The following ZFHX3 variants were observed in gnomAD, a reference collection of about 807,000 sequenced individuals.
ZFHX3 encodes the protein zinc finger homeobox protein 3.
Under a neutral mutation model 279.1 loss-of-function variants are expected in ZFHX3, and 42 were observed. That is an observed-to-expected ratio of 0.15 (90% CI 0.12 to 0.19). ZFHX3 has a LOEUF of 0.19. Ranked by LOEUF, ZFHX3 falls within the 10% of genes least tolerant of loss-of-function variation. ZFHX3 has a pLI of 1.00. For synonymous variants in ZFHX3, 2,293 were observed against 1,957.8 expected, an observed-to-expected ratio of 1.17 and a Z score of -4.52; for missense variants, 4,981 against 4,754.0, an observed-to-expected ratio of 1.05 and a Z score of -1.40.
intron 3 of ZFHX3, among the ~76,000 whole-genome samples, chr16:73,453,482 A>G (rs2018314477): frequency 6.6e-6 from 1 of 152,172 alleles, no homozygotes; most frequent in Non-Finnish European, 1.5e-5. Context: ...CCGGAAGGAC[A>G]CTCAAGCTGG....
At chr16:73,341,072 G>T (rs1257025705) in intron 3 of ZFHX3, among the ~76,000 whole-genome samples, 1 of 152,190 alleles carries the variant, frequency 6.6e-6, no homozygotes. Flanking sequence ...GCCGGATGCG[G>T]TGGCTCACAC....
chr16:73,358,160 G>A (rs2046700740), intron 3 of ZFHX3, among the ~76,000 whole-genome samples: 2 of 152,204 alleles, frequency 1.3e-5, no homozygotes, highest in Non-Finnish European at 2.9e-5. Flanking sequence ...ACGGATTTGT[G>A]CTAGGCAGCT....
intron 3 of ZFHX3, among the ~76,000 whole-genome samples, chr16:72,938,641 C>A (rs1041634587): frequency 6.6e-6 from 1 of 152,176 alleles, no homozygotes; most frequent in Non-Finnish European, 1.5e-5. Flanking sequence ...CAAATCGGCA[C>A]GCCCCCAAGG....
chr16:73,453,445 A>T (rs1271565636), intron 3 of ZFHX3, among the ~76,000 whole-genome samples: 1 of 152,176 alleles, frequency 6.6e-6, no homozygotes, highest in Non-Finnish European at 1.5e-5. Context: ...GCCTTGTGAG[A>T]AGTCTCACTA....
intron 2 of ZFHX3, among the ~76,000 whole-genome samples, chr16:73,657,270 A>AACACG (rs1377956401): frequency 1.3e-5 from 2 of 151,222 alleles, no homozygotes; most frequent in African/African-American, 2.4e-5. Flanking sequence ...CAGCCTGCCC[A>AACACG]ACACGGCAAA....
chr16:73,190,814 A>T (rs1169783615), intron 5 of ZFHX3, among the ~76,000 whole-genome samples: 3 of 152,084 alleles, frequency 2.0e-5, no homozygotes, highest in South Asian at 2.1e-4. Context: ...CAGGTAGAGG[A>T]GGATTATGTG....
rs2035781247 is a variant in ZFHX3, at chr16:72,793,382, C to T, written c.9300G>A (p.Met3100Ile). Residue 3100 changes from methionine (M) to isoleucine (I), a missense_variant, in exon 9 of 10, where the codon ATG becomes ATA. Transcript: ENST00000268489. This position sits in a 1 kb window ranked among gnomAD's most constrained non-coding sequence, Gnocchi z 4.3. Reference sequence around the variant, plus strand: ...GGGCCTGAAGAGGGGTGTTGTCAAACATCCCTTGCTGCTGAGCTGCCAGTC... The same window carrying T: ...GGGCCTGAAGAGGGGTGTTGTCAAATATCCCTTGCTGCTGAGCTGCCAGTC... ...VLGLAAQQQG[M>I]FDNTPLQALN... The T allele has an allele frequency of 1.2e-6, 2 of 1,614,204 alleles. No individual in the cohort carries two copies. The highest frequency in any genetic ancestry group is 2.7e-5 in the African/African-American group (2 of 75,038).
chr16:72,872,853 G>A (rs772300337), intron 4 of ZFHX3, among the ~76,000 whole-genome samples: 4 of 152,300 alleles, frequency 2.6e-5, no homozygotes, highest in Admixed American at 6.5e-5. Context: ...CTAGACTTCC[G>A]AAAGATGGAA....
At position 72,958,185 on chromosome 16, in the gene ZFHX3, G is replaced by A. The variant is rs766100008; in HGVS notation, c.1961C>T (p.Ser654Leu). The change falls in exon 2 of 10, where the codon TCG becomes TTG. Residue 654 changes from serine (S) to leucine (L), a missense_variant. By Grantham distance (145) the Ser-to-Leu change is moderately radical. Coordinates refer to ENST00000268489, the MANE Select transcript of ZFHX3 (RefSeq NM_006885.4). ...CATCATGGTCATGTGGCCGCCCAGC[G>A]AGCGGGAGGAGCCCAGGACCGTGTC... ...KCDTVLGSSR[S>L]LGGHMTMMHS... 23 of 1,613,280 alleles carry A rather than the reference G, an allele frequency of 1.4e-5. No homozygotes were observed. The highest frequency in any genetic ancestry group is 2.2e-5 in the South Asian group (2 of 91,074).
chr16:73,266,166 T>C (rs1023344328), intron 4 of ZFHX3, among the ~76,000 whole-genome samples: 1 of 152,226 alleles, frequency 6.6e-6, no homozygotes. Flanking sequence ...TTAGGTCCTA[T>C]AGGCAAAGAC....
Position 73,188,718 on chromosome 16 carries a change from C to T in ZFHX3, c.-1103-44887G>A, listed in dbSNP as rs147574330. On this transcript the variant is annotated intron_variant, in intron 5 of 17. Transcript: ENST00000641206. ...GAAAGGTGGCTTTGTTGACTGGTGACCAAACCAGAAGAAAACCTGAGAGAG... is the reference window on the plus strand; with the variant it reads ...GAAAGGTGGCTTTGTTGACTGGTGATCAAACCAGAAGAAAACCTGAGAGAG... Among the ~76,000 whole-genome samples the T allele has an allele frequency of 1.2e-4, 19 of 152,174 alleles. No homozygotes were observed. The East Asian group carries it at 1.9e-3, about 15-fold the overall frequency.
intron 2 of ZFHX3, among the ~76,000 whole-genome samples, chr16:73,472,488 AC>A (rs2018687516): frequency 6.6e-6 from 1 of 152,150 alleles, no homozygotes; most frequent in Non-Finnish European, 1.5e-5. Flanking sequence ...AGAATTTTCT[AC>A]TTCACCAGTG....
chr16:73,056,450 C>T (rs1965558966), intron 1 of ZFHX3, among the ~76,000 whole-genome samples: 1 of 152,054 alleles, frequency 6.6e-6, no homozygotes. Context: ...AAGAAGCAAA[C>T]TCCCAACCCC....
At chr16:73,610,465 A>T (rs2052234027) in intron 2 of ZFHX3, among the ~76,000 whole-genome samples, 1 of 152,084 alleles carries the variant, frequency 6.6e-6, no homozygotes, top group Non-Finnish European at 1.5e-5. Context: ...TGCTTCATAC[A>T]TTTCTTGCTC....
chr16:73,846,685 C>T (rs1383432846), intron 1 of ZFHX3, among the ~76,000 whole-genome samples: 4 of 152,100 alleles, frequency 2.6e-5, no homozygotes, highest in Non-Finnish European at 5.9e-5. Context: ...CATGAGAAAA[C>T]GTGTGATATT....
At chr16:73,867,991 C>T (rs1326857356) in intron 1 of ZFHX3, among the ~76,000 whole-genome samples, 1 of 152,190 alleles carries the variant, frequency 6.6e-6, no homozygotes, top group Non-Finnish European at 1.5e-5. Flanking sequence ...GCGCTGGGTG[C>T]CAGGCTTCCT....
chr16:73,566,899 A>C (rs995080362), intron 2 of ZFHX3, among the ~76,000 whole-genome samples: 41 of 152,156 alleles, frequency 2.7e-4, no homozygotes, highest in African/African-American at 8.4e-4. Flanking sequence ...GGGTTTCTCC[A>C]TGTTGGTCAG....
chr16:73,370,372 A>G lies in ZFHX3; in HGVS notation c.-1290-52036T>C, dbSNP rs114650761. ...TTAGCAGACTGCGTTCTCCCTGAAC[A>G]AAAGTATTAATGAAGGTTCGAGCAT... On this transcript the variant is annotated intron_variant, in intron 3 of 17. Transcript: ENST00000641206. Among the ~76,000 whole-genome samples the G allele has an allele frequency of 4.5e-3, 690 of 152,320 alleles. 8 individuals are homozygous for G. Among genetic ancestry groups the G allele is most frequent in the African/African-American group, 0.016 (648 of 41,566 alleles).
At chr16:73,019,343 CGTGTGTGT>C (rs112184906) in intron 1 of ZFHX3, among the ~76,000 whole-genome samples, 106 of 150,170 alleles carry the variant, frequency 7.1e-4, no homozygotes, top group Non-Finnish European at 1.0e-3. Flanking sequence ...TGTGTCTGTG[CGTGTGTGT>C]GTGTGTGTGT....
Sources: gnomAD v4.1 joint callset for allele counts (sites outside exome capture counted in the v4.1 genomes callset) on GRCh38, gnomAD v4.1.1 for gene constraint, Gnocchi (gnomAD v3.1) non-coding constraint, MANE v1.5 for transcripts, NCBI Gene and HGNC (gene_info 2026-07-23, HGNC 2026-07-21) for gene names.